Variants in CD9 observed in about 807,000 individuals in gnomAD.
CD9 encodes CD9 molecule.
CD9 carries 10 observed loss-of-function variants against 31.4 expected under a neutral mutation model. The observed-to-expected ratio is 0.32, with a 90% CI of 0.20 to 0.54. CD9 has a LOEUF of 0.54. CD9 is among the 20% of genes least tolerant of loss of function. The probability of loss-of-function intolerance (pLI) is 0.94; values close to 1 mark genes in which losing one functional copy is unlikely to be tolerated. For synonymous variants in CD9, 113 were observed against 114.1 expected, an observed-to-expected ratio of 0.99 and a Z score of 0.06; for missense variants, 259 against 300.1, an observed-to-expected ratio of 0.86 and a Z score of 1.01.
intron 1 of CD9, among the ~76,000 whole-genome samples, chr12:6,210,871 T>C (rs999606813): frequency 6.7e-5 from 10 of 148,690 alleles, no homozygotes; most frequent in African/African-American, 2.0e-4. Flanking sequence ...GGAGTCTCGC[T>C]CTGTTGCCAG....
intron 1 of CD9, among the ~76,000 whole-genome samples, chr12:6,215,517 G>A (rs1382299500): frequency 1.3e-5 from 2 of 152,154 alleles, no homozygotes; most frequent in African/African-American, 4.8e-5. Flanking sequence ...TGCTGGTCTG[G>A]GGTCATTTCG....
At chr12:6,236,331 C>T (rs1006491374) in intron 7 of CD9, 56 bp downstream of exon 7, 9 of 1,485,338 alleles carry the variant, frequency 6.1e-6, no homozygotes, top group South Asian at 2.3e-5. Flanking sequence ...ATTGATTCAG[C>T]CCATGCTCTA....
chr12:6,228,976 G>C (rs1233096497), intron 2 of CD9, among the ~76,000 whole-genome samples: 1 of 152,248 alleles, frequency 6.6e-6, no homozygotes, highest in Non-Finnish European at 1.5e-5. Context: ...TATATAACCA[G>C]GCAGAAAAGC....
At chr12:6,236,059 TC>T in intron 6 of CD9, 132 bp from the exon 7 acceptor site, 21 of 1,466,706 alleles carry the variant, frequency 1.4e-5, no homozygotes, top group Non-Finnish European at 1.7e-5. Context: ...ACTTCTCTTA[TC>T]CCCGAACACT....
chr12:6,210,503 G>C (rs557199586), intron 1 of CD9, among the ~76,000 whole-genome samples: 5 of 152,276 alleles, frequency 3.3e-5, no homozygotes, highest in Non-Finnish European at 1.5e-5. Flanking sequence ...GCCCCCAAGC[G>C]AGGCCAGGTG....
intron 1 of CD9, among the ~76,000 whole-genome samples, chr12:6,221,813 C>CA (rs34034952): frequency 0.034 from 2,120 of 61,850 alleles, 39 homozygotes; most frequent in African/African-American, 0.11. Context: ...CCTGGCTCTA[C>CA]AAAAAAAAAA....
intron 1 of CD9, among the ~76,000 whole-genome samples, chr12:6,211,573 T>TAA (rs1474981543): frequency 1.4e-4 from 21 of 152,172 alleles, no homozygotes; most frequent in African/African-American, 4.1e-4. Context: ...ACTCTGCAGA[T>TAA]GGAATGAGAG....
intron 2 of CD9, among the ~76,000 whole-genome samples, chr12:6,231,107 TTCTC>T (rs1257974018): frequency 4.6e-5 from 7 of 152,166 alleles, no homozygotes; most frequent in Admixed American, 2.0e-4. Flanking sequence ...ATCACAGACT[TTCTC>T]TCTCGCGTGC....
rs566705995 is a variant in CD9, at chr12:6,235,666, C to T, written c.537+101C>T. 1.0e-5 allele frequency: 15 copies of T among 1,464,108 alleles called. No individual in the cohort carries two copies. In the East Asian group the frequency reaches 2.2e-4, roughly 21 times the overall value. The allele number at this position is 1,464,108 out of a possible 1,614,324, so 90.7% of individuals were successfully genotyped here. On this transcript the variant is annotated intron_variant, in intron 6 of 7. Transcript: ENST00000009180. ...AGCCAAGTGCTGCTTCAGCAAGACCCGTTCTGCCTGTGAAAGGGCCCCAGG... is the reference window on the plus strand; with the variant it reads ...AGCCAAGTGCTGCTTCAGCAAGACCTGTTCTGCCTGTGAAAGGGCCCCAGG...
chr12:6,211,291 C>A (rs1946191913), intron 1 of CD9, among the ~76,000 whole-genome samples: 1 of 152,150 alleles, frequency 6.6e-6, no homozygotes, highest in Non-Finnish European at 1.5e-5. Context: ...GTACTTGCTG[C>A]TAGTAATTAG....
chr12:6,208,334 A>G (rs186736213), intron 1 of CD9, among the ~76,000 whole-genome samples: 1 of 152,184 alleles, frequency 6.6e-6, no homozygotes, highest in African/African-American at 2.4e-5. Context: ...GCTCCTGCCA[A>G]GCCCTCTCCT....
chr12:6,224,728 G>A (rs1946340119), intron 1 of CD9, among the ~76,000 whole-genome samples: 1 of 152,196 alleles, frequency 6.6e-6, no homozygotes, highest in East Asian at 1.9e-4. Context: ...CTGGCACTGG[G>A]GGGACTTGGC....
chr12:6,216,695 A>G (rs2136613903), intron 1 of CD9, among the ~76,000 whole-genome samples: 1 of 152,280 alleles, frequency 6.6e-6, no homozygotes, highest in Non-Finnish European at 1.5e-5. Context: ...GGTGTGAAGC[A>G]GATAAGTTTA....
intron 6 of CD9, 188 bp downstream of exon 6, chr12:6,235,753 G>T: frequency 7.1e-7 from 1 of 1,408,372 alleles, no homozygotes; most frequent in Non-Finnish European, 9.2e-7. Context: ...TAAAACAAAG[G>T]CCGGACCAGG....
intron 1 of CD9, chr12:6,225,123 C>T (rs1018718828): frequency 2.9e-6 from 1 of 340,076 alleles, no homozygotes; most frequent in African/African-American, 2.1e-5. Flanking sequence ...GAGATGCACT[C>T]ATGGTGTTGC....
At position 6,233,217 on chromosome 12, in the gene CD9, A is replaced by T. The variant is rs1946473866; in HGVS notation, c.274-195A>T. On this transcript the variant is annotated intron_variant, in intron 3 of 7. Coordinates refer to ENST00000009180, the MANE Select transcript of CD9 (RefSeq NM_001769.4). The stretch of plus-strand genomic sequence containing the variant: ...TCCTCATGTCCGGGCACCTTGCCTC[A>T]CTGTGGCCTCTGTCCTGGGCTTGGT... 4.7e-6 allele frequency: 3 copies of T among 635,322 alleles called. No homozygotes were observed. In the South Asian group the frequency reaches 5.6e-5, roughly 12 times the overall value. The allele number at this position is 635,322 out of a possible 1,614,324, so 39.4% of individuals were successfully genotyped here. A position where few individuals can be genotyped will look rare whatever the true frequency, so the allele number is the denominator to read the frequency against.
rs1946459859 is a variant in CD9 at position 6,232,543 on chromosome 12, T to C, written c.176-89T>C. Reference sequence around the variant, plus strand: ...GAATAAGGAGGTGGGGAGGCAGGAGTTAGGCAGAGGGAAACAGGAATTGCC... The same window carrying C: ...GAATAAGGAGGTGGGGAGGCAGGAGCTAGGCAGAGGGAAACAGGAATTGCC... On this transcript the variant is annotated intron_variant, in intron 2 of 7. Transcript: ENST00000009180. This position sits in a 1 kb window ranked among gnomAD's most constrained non-coding sequence, Gnocchi z 4.8. 2 of 805,072 alleles carry C rather than the reference T, an allele frequency of 2.5e-6. No homozygotes were observed. Among genetic ancestry groups the C allele is most frequent in the Non-Finnish European group, 4.2e-6 (2 of 477,674 alleles). The allele number at this position is 805,072 out of a possible 1,614,324, so 49.9% of individuals were successfully genotyped here.
chr12:6,212,839 GTGTA>G (rs1946206396), intron 1 of CD9, among the ~76,000 whole-genome samples: 1 of 152,148 alleles, frequency 6.6e-6, no homozygotes, highest in Non-Finnish European at 1.5e-5. Context: ...TTGGGTTTAA[GTGTA>G]TGTGTGGACC....
intron 2 of CD9, among the ~76,000 whole-genome samples, chr12:6,227,551 T>C (rs1383004059): frequency 6.6e-6 from 1 of 152,226 alleles, no homozygotes; most frequent in Non-Finnish European, 1.5e-5. Flanking sequence ...CATTGTCTTG[T>C]GTGTATTATA....
Sources: allele counts gnomAD v4.1 joint callset (sites outside exome capture counted in the v4.1 genomes callset), GRCh38; gene constraint gnomAD v4.1.1; non-coding constraint Gnocchi (gnomAD v3.1); transcripts MANE v1.5; gene names NCBI Gene and HGNC (gene_info 2026-07-23, HGNC 2026-07-21).